Variants in FGF12 observed in about 807,000 individuals in gnomAD.
The protein encoded by FGF12 is fibroblast growth factor 12.
A neutral mutation model predicts 23.6 loss-of-function variants in FGF12; 14 were observed. That is an observed-to-expected ratio of 0.59 (90% CI 0.39 to 0.93). The LOEUF (loss-of-function observed/expected upper bound fraction) is 0.93. Ranked by LOEUF, FGF12 falls within the 40% of genes least tolerant of loss-of-function variation. FGF12 has a pLI of 0.00. For synonymous variants in FGF12, 62 were observed against 77.3 expected (o/e 0.80, Z 1.04); for missense variants, 175 against 217.8 (o/e 0.80, Z 1.24).
rs115063322 is a variant in FGF12 at position 192,646,407 on chromosome 3, C to T, written c.13+80774G>A. Among the ~76,000 whole-genome samples, 1,474 of 152,110 alleles carry T rather than the reference C, an allele frequency of 9.7e-3. 20 individuals carry two copies. Among genetic ancestry groups the T allele is most frequent in the Admixed American group, 0.013 (195 of 15,262 alleles). On this transcript the variant is annotated intron_variant, in intron 2 of 5. Coordinates refer to ENST00000445105, the MANE Select transcript of FGF12 (RefSeq NM_004113.6). ...GAGTCATTATATATGGCTAATTTGT[C>T]CACCAGAAATGTTCTCTTCTGGGGA...
chr3:192,561,441 T>C (rs1712018457), intron 2 of FGF12, among the ~76,000 whole-genome samples: 2 of 151,994 alleles, frequency 1.3e-5, no homozygotes, highest in South Asian at 4.2e-4. Flanking sequence ...CAGCCCACTG[T>C]AACCTCCACC....
chr3:192,542,530 A>G (rs1353506967), intron 2 of FGF12, among the ~76,000 whole-genome samples: 3 of 152,104 alleles, frequency 2.0e-5, no homozygotes, highest in Non-Finnish European at 2.9e-5. Flanking sequence ...TGGTGAGGTC[A>G]TATTTTCCTG....
intron 2 of FGF12, among the ~76,000 whole-genome samples, chr3:192,362,762 G>C (rs902365153): frequency 2.0e-5 from 3 of 152,140 alleles, no homozygotes; most frequent in African/African-American, 7.2e-5. Flanking sequence ...CCTAATTAAA[G>C]TCTAATGTTT....
intron 2 of FGF12, among the ~76,000 whole-genome samples, chr3:192,717,661 C>T (rs1718905901): frequency 6.6e-6 from 1 of 152,166 alleles, no homozygotes; most frequent in African/African-American, 2.4e-5. Context: ...TAAAACTCCA[C>T]TTATAATTCA....
rs150139556 is a variant in FGF12 at position 192,231,371 on chromosome 3, T to C, written c.229-60715A>G. On this transcript the variant is annotated intron_variant, in intron 4 of 5. Coordinates refer to ENST00000445105, the MANE Select transcript of FGF12 (RefSeq NM_004113.6). The stretch of plus-strand genomic sequence containing the variant: ...AAGAGGTTGAATTAGAGGTGCTCTG[T>C]AGAACTCCAAATAAACACTTTACAT... Among the ~76,000 whole-genome samples the C allele has an allele frequency of 8.8e-3, 1,340 of 152,314 alleles. 15 individuals are homozygous for C. The highest frequency in any genetic ancestry group is 0.014 in the Non-Finnish European group (969 of 68,034).
At chr3:192,247,023 GGGAAGGAAAGAAGGAAGGAAGGAA>G (rs1711640955) in intron 4 of FGF12, among the ~76,000 whole-genome samples, 1 of 129,946 alleles carries the variant, frequency 7.7e-6, no homozygotes, top group Non-Finnish European at 1.6e-5. Flanking sequence ...AAGGGAGGGA[GGGAAGGAAAGAAGGAAGGAAGGAA>G]GGAAGGAAGG....
At chr3:192,269,262 A>T (rs1171181340) in intron 4 of FGF12, among the ~76,000 whole-genome samples, 1 of 152,198 alleles carries the variant, frequency 6.6e-6, no homozygotes, top group African/African-American at 2.4e-5. Flanking sequence ...CCACTAGAAC[A>T]TAAAAGAAAA....
intron 2 of FGF12, among the ~76,000 whole-genome samples, chr3:192,624,591 A>T (rs1251516402): frequency 5.3e-5 from 8 of 152,154 alleles, no homozygotes; most frequent in African/African-American, 9.6e-5. Context: ...CTTCTCTTTA[A>T]ACTTTAAAAA....
At position 192,321,271 on chromosome 3, in the gene FGF12, G is replaced by T. The variant is rs949311333; in HGVS notation, c.228+14090C>A. Among the ~76,000 whole-genome samples, 13 of 151,878 alleles carry T rather than the reference G, an allele frequency of 8.6e-5. No homozygotes were observed. The South Asian group carries it at 2.5e-3, about 29-fold the overall frequency. On this transcript the variant is annotated intron_variant, in intron 4 of 5. Coordinates refer to ENST00000445105, the MANE Select transcript of FGF12 (RefSeq NM_004113.6). ...TGAACCCTGAAAGAGTCCAAAACCC[G>T]AACAGACCAGTAACAAGTAATGAGA... is the stretch of plus-strand genomic sequence containing the variant.
At chr3:192,725,838 T>C (rs1248294492) in intron 2 of FGF12, among the ~76,000 whole-genome samples, 1 of 152,202 alleles carries the variant, frequency 6.6e-6, no homozygotes, top group Non-Finnish European at 1.5e-5. Context: ...CCTTTTTATT[T>C]TAAAATGGAG....
chr3:192,543,671 C>T (rs116756609), intron 2 of FGF12, among the ~76,000 whole-genome samples: 374 of 152,282 alleles, frequency 2.5e-3, no homozygotes, highest in African/African-American at 8.4e-3. Flanking sequence ...ACAGCGAGTA[C>T]TGCCCAGCTA....
intron 2 of FGF12, among the ~76,000 whole-genome samples, chr3:192,622,300 A>G (rs937831657): frequency 6.6e-6 from 1 of 152,206 alleles, no homozygotes; most frequent in African/African-American, 2.4e-5. Flanking sequence ...ACATGGAGCC[A>G]TTCTAGAGTT....
intron 4 of FGF12, among the ~76,000 whole-genome samples, chr3:192,327,519 T>C (rs1716881056): frequency 6.6e-6 from 1 of 151,450 alleles, no homozygotes. Flanking sequence ...CAATAAATAG[T>C]CTAAGTTTAT....
intron 2 of FGF12, among the ~76,000 whole-genome samples, chr3:192,367,812 G>C (rs1719048713): frequency 6.6e-6 from 1 of 152,154 alleles, no homozygotes; most frequent in Non-Finnish European, 1.5e-5. Context: ...GTGGAGTAAA[G>C]TGAGTCATGT....
intron 4 of FGF12, among the ~76,000 whole-genome samples, chr3:192,236,992 A>T (rs964264458): frequency 6.6e-6 from 1 of 152,102 alleles, no homozygotes; most frequent in African/African-American, 2.4e-5. Context: ...GTTTATATTT[A>T]GCACTCTTTT....
intron 2 of FGF12, among the ~76,000 whole-genome samples, chr3:192,534,843 T>G (rs1725187104): frequency 6.6e-6 from 1 of 152,132 alleles, no homozygotes; most frequent in Non-Finnish European, 1.5e-5. Flanking sequence ...TTAATAATAA[T>G]AAGATAACTA....
chr3:192,567,741 C>CT (rs965576750), intron 2 of FGF12, among the ~76,000 whole-genome samples: 4 of 81,154 alleles, frequency 4.9e-5, no homozygotes, highest in African/African-American at 2.0e-4. Context: ...GTGTCTCTTT[C>CT]TTTCTTTCTT....
rs186218302 is a variant in FGF12, at chr3:192,372,566, G to A, written c.14-12028C>T. Among the ~76,000 whole-genome samples the A allele has an allele frequency of 2.2e-4, 34 of 152,302 alleles. No homozygotes were observed. In the East Asian group the frequency reaches 5.2e-3, roughly 23 times the overall value. ...GCACCGTGGTGCAGGGGCATATGCA[G>A]GGCAGTGGGATCCGGACATTTGGGG... is the stretch of plus-strand genomic sequence containing the variant. On this transcript the variant is annotated intron_variant, in intron 2 of 5. Transcript: ENST00000445105.
At chr3:192,383,632 T>C (rs1486533065) in intron 2 of FGF12, among the ~76,000 whole-genome samples, 2 of 152,100 alleles carry the variant, frequency 1.3e-5, no homozygotes, top group Non-Finnish European at 2.9e-5. Context: ...CAAAGGTAGA[T>C]GAAATCAAAG....
Sources: gnomAD v4.1 joint callset for allele counts (sites outside exome capture counted in the v4.1 genomes callset) on GRCh38, gnomAD v4.1.1 for gene constraint, MANE v1.5 for transcripts, NCBI Gene and HGNC (gene_info 2026-07-23, HGNC 2026-07-21) for gene names.